The following KLHDC1 variants were observed in gnomAD, a reference collection of about 807,000 sequenced individuals.
The protein encoded by KLHDC1 is kelch domain-containing protein 1.
KLHDC1 carries 53 observed loss-of-function variants against 68.3 expected under a neutral mutation model. The observed-to-expected ratio is 0.78, with a 90% CI of 0.62 to 0.98. The LOEUF is 0.98. KLHDC1 is among the 50% of genes least tolerant of loss of function. The probability of loss-of-function intolerance (pLI) is 0.00; values close to 1 mark genes in which losing one functional copy is unlikely to be tolerated. For synonymous variants in KLHDC1, 148 were observed against 159.0 expected (o/e 0.93, Z 0.52); for missense variants, 470 against 492.3 (o/e 0.95, Z 0.43).
At chr14:49,700,752 A>G (rs1887882602) in intron 1 of KLHDC1, among the ~76,000 whole-genome samples, 1 of 152,222 alleles carries the variant, frequency 6.6e-6, no homozygotes, top group African/African-American at 2.4e-5. Flanking sequence ...AGTTGACTTG[A>G]TGCAAGTAGA....
rs750397018 is a variant in KLHDC1 at position 49,738,342 on chromosome 14, G to GT, written c.897-1742dup. Among the ~76,000 whole-genome samples, 666 of 122,886 alleles carry GT rather than the reference G, an allele frequency of 5.4e-3. 4 individuals are homozygous for GT. The highest frequency in any genetic ancestry group is 0.011 in the Middle Eastern group (2 of 180). 80.6% of individuals were successfully genotyped at this position (122,886 alleles called of 152,430 possible). A position where few individuals can be genotyped will look rare whatever the true frequency, so the allele number is the denominator to read the frequency against. ...TCTCTTTTGTTTGGTTGGTTTTTTT[G>GT]TTTTTTTTTTTTTTGAGTCAGAGTG... On this transcript the variant is annotated intron_variant, in intron 10 of 12. Coordinates refer to ENST00000359332, the MANE Select transcript of KLHDC1 (RefSeq NM_172193.3).
chr14:49,734,288 A>C (rs1336308061), intron 9 of KLHDC1, among the ~76,000 whole-genome samples: 2 of 152,164 alleles, frequency 1.3e-5, no homozygotes, highest in Non-Finnish European at 1.5e-5. Flanking sequence ...AGTAATGCAT[A>C]CTGAAGTATG....
At chr14:49,749,183 T>A (rs996198705) in intron 12 of KLHDC1, among the ~76,000 whole-genome samples, 1 of 152,122 alleles carries the variant, frequency 6.6e-6, no homozygotes, top group Non-Finnish European at 1.5e-5. Flanking sequence ...ATTAAATGAT[T>A]AGAGTGAACT....
intron 10 of KLHDC1, among the ~76,000 whole-genome samples, chr14:49,737,655 A>G (rs1335500240): frequency 6.6e-6 from 1 of 151,694 alleles, no homozygotes; most frequent in Non-Finnish European, 1.5e-5. Flanking sequence ...GCTTAAGCCC[A>G]GGAGTTCAAG....
rs1889252835 is a variant in KLHDC1, at chr14:49,748,653, T to A, written c.1035-2933T>A. Among the ~76,000 whole-genome samples the A allele has an allele frequency of 3.3e-5, 5 of 152,038 alleles. No homozygotes were observed. In the South Asian group the frequency reaches 1.0e-3, roughly 32 times the overall value. On this transcript the variant is annotated intron_variant, in intron 12 of 12. Transcript: ENST00000359332. Reference sequence around the variant, plus strand: ...TTGTTCTGATTGTAAAAAGATGTATTTACCAAGAAAATTCATACGATATGA... The same window carrying A: ...TTGTTCTGATTGTAAAAAGATGTATATACCAAGAAAATTCATACGATATGA...
At position 49,717,909 on chromosome 14, in the gene KLHDC1, G is replaced by C. The variant is rs545889932; in HGVS notation, c.405-5965G>C. 4.1e-4 allele frequency among the ~76,000 whole-genome samples: 62 copies of C among 152,020 alleles called. 1 individual carries two copies. In the South Asian group the frequency reaches 8.3e-3, roughly 20 times the overall value. On this transcript the variant is annotated intron_variant, in intron 4 of 12. Transcript: ENST00000359332. ...TTATTTTTGTTTTTATAAGAGTCAG[G>C]GTCTTTCTTTGTTACCCAGGCTGGA... is the stretch of plus-strand genomic sequence containing the variant.
intron 11 of KLHDC1, among the ~76,000 whole-genome samples, chr14:49,743,218 G>A (rs1305240906): frequency 2.6e-5 from 4 of 151,632 alleles, no homozygotes; most frequent in Admixed American, 2.0e-4. Flanking sequence ...CCAACATGGC[G>A]AAACCTTGTC....
chr14:49,741,509 G>T (rs1047826919), intron 11 of KLHDC1, among the ~76,000 whole-genome samples: 1 of 151,878 alleles, frequency 6.6e-6, no homozygotes, highest in African/African-American at 2.4e-5. Context: ...GTTTCACCGT[G>T]TTGGTCAGGC....
At chr14:49,732,574 C>G (rs895058047) in intron 8 of KLHDC1, 130 bp from the exon 9 acceptor site, 1 of 470,454 alleles carries the variant, frequency 2.1e-6, no homozygotes, top group Non-Finnish European at 3.7e-6. Context: ...TTCAAATATT[C>G]ATGTAGGTGG....
At chr14:49,713,570 A>G (rs1888264985) in intron 4 of KLHDC1, among the ~76,000 whole-genome samples, 1 of 151,638 alleles carries the variant, frequency 6.6e-6, no homozygotes. Context: ...TTAAATTACC[A>G]TTTTAAAATC....
chr14:49,736,011 T>G (rs968192450), intron 10 of KLHDC1, among the ~76,000 whole-genome samples: 1 of 151,950 alleles, frequency 6.6e-6, no homozygotes, highest in Non-Finnish European at 1.5e-5. Context: ...CCAGACCCTG[T>G]CTCAAAAAAA....
At chr14:49,709,862 G>A (rs752311079) in intron 3 of KLHDC1, 36 bp downstream of exon 3, 3 of 1,068,030 alleles carry the variant, frequency 2.8e-6, no homozygotes, top group Non-Finnish European at 4.1e-6. Context: ...GCAGCAAAAT[G>A]TAATATTTAA....
chr14:49,747,252 T>C (rs1386516048), intron 12 of KLHDC1, among the ~76,000 whole-genome samples: 1 of 152,208 alleles, frequency 6.6e-6, no homozygotes, highest in East Asian at 1.9e-4. Flanking sequence ...CAGCCTTAAC[T>C]TTCTTTCATA....
chr14:49,713,842 A>ATTTTT (rs1566603026), intron 4 of KLHDC1, among the ~76,000 whole-genome samples: 2 of 28,494 alleles, frequency 7.0e-5, no homozygotes, highest in African/African-American at 2.5e-4. Flanking sequence ...ATATATATAT[A>ATTTTT]TATATATATT....
intron 1 of KLHDC1, among the ~76,000 whole-genome samples, chr14:49,699,826 A>G (rs866902819): frequency 2.0e-5 from 3 of 152,180 alleles, no homozygotes; most frequent in Admixed American, 1.3e-4. Context: ...TCTTAGTTCT[A>G]CATCCTTTCC....
intron 1 of KLHDC1, among the ~76,000 whole-genome samples, chr14:49,706,550 C>T (rs933199339): frequency 6.6e-6 from 1 of 152,134 alleles, no homozygotes; most frequent in Non-Finnish European, 1.5e-5. Context: ...TTTAAAGAAA[C>T]CTCCAAACTG....
Position 49,729,385 on chromosome 14 carries a change from G to C in KLHDC1, c.652-105G>C, listed in dbSNP as rs896569996. ...CCAATAGTTAAACATCTTATGTGAA[G>C]TAAAATAGAGATAGTCTATTTTTAA... is the stretch of plus-strand genomic sequence containing the variant. On this transcript the variant is annotated intron_variant, in intron 7 of 12. Coordinates refer to ENST00000359332, the MANE Select transcript of KLHDC1 (RefSeq NM_172193.3). 9.5e-6 allele frequency: 7 copies of C among 733,680 alleles called. No individual in the cohort carries two copies. The African/African-American group carries it at 1.2e-4, about 13-fold the overall frequency. The allele number at this position is 733,680 out of a possible 1,614,324, so 45.4% of individuals were successfully genotyped here. A position where few individuals can be genotyped will look rare whatever the true frequency, so the allele number is the denominator to read the frequency against.
intron 11 of KLHDC1, among the ~76,000 whole-genome samples, chr14:49,742,946 C>G (rs1354483125): frequency 2.0e-5 from 3 of 151,474 alleles, no homozygotes; most frequent in African/African-American, 7.3e-5. Context: ...GTAGCCTGTT[C>G]CTGTGGTCCC....
intron 1 of KLHDC1, among the ~76,000 whole-genome samples, chr14:49,694,175 T>C (rs1219774604): frequency 6.6e-6 from 1 of 152,212 alleles, no homozygotes; most frequent in Non-Finnish European, 1.5e-5. Context: ...TTAAAATTCT[T>C]ACTACAATGG....
Sources: gnomAD v4.1 joint callset for allele counts (sites outside exome capture counted in the v4.1 genomes callset) on GRCh38, gnomAD v4.1.1 for gene constraint, MANE v1.5 for transcripts, NCBI Gene and HGNC (gene_info 2026-07-23, HGNC 2026-07-21) for gene names.